The following CNBD1 variants were observed in gnomAD, a reference collection of about 807,000 sequenced individuals.
CNBD1 encodes cyclic nucleotide-binding domain-containing protein 1.
Under a neutral mutation model 54.4 loss-of-function variants are expected in CNBD1, and 71 were observed. The observed-to-expected ratio is 1.30, with a 90% CI of 1.08 to 1.59. The LOEUF (loss-of-function observed/expected upper bound fraction) is 1.59, where lower values mean the gene tolerates loss of function less well. Ranked by LOEUF, CNBD1 falls within the 40% of genes most tolerant of loss-of-function variation. The pLI, the probability that CNBD1 is intolerant of heterozygous loss-of-function variation, is 0.00. For missense variants in CNBD1, 659 were observed against 518.0 expected, an observed-to-expected ratio of 1.27 and a Z score of -2.64; for synonymous variants, 182 against 170.7, an observed-to-expected ratio of 1.07 and a Z score of -0.51.
chr8:87,064,676 C>G (rs909143825), intron 4 of CNBD1, among the ~76,000 whole-genome samples: 3 of 151,734 alleles, frequency 2.0e-5, no homozygotes, highest in African/African-American at 7.3e-5. Context: ...ACCCACCTTC[C>G]TAGTTTTTGT....
intron 5 of CNBD1, among the ~76,000 whole-genome samples, chr8:87,225,899 T>A (rs1466147134): frequency 6.7e-6 from 1 of 149,658 alleles, no homozygotes; most frequent in South Asian, 2.1e-4. Context: ...AAGCTATTGA[T>A]TATTGCCACA....
chr8:87,300,267 A>C (rs566115343), intron 8 of CNBD1, among the ~76,000 whole-genome samples: 1 of 152,316 alleles, frequency 6.6e-6, no homozygotes, highest in Non-Finnish European at 1.5e-5. Flanking sequence ...ATTTGTGTCC[A>C]TGTATGTAGC....
intron 10 of CNBD1, among the ~76,000 whole-genome samples, chr8:87,361,236 T>C (rs888120772): frequency 2.0e-5 from 3 of 151,978 alleles, no homozygotes; most frequent in African/African-American, 7.2e-5. Flanking sequence ...TATTCCTTAC[T>C]AATACATGTT....
At chr8:87,309,624 A>G (rs1297475096) in intron 8 of CNBD1, among the ~76,000 whole-genome samples, 3 of 152,140 alleles carry the variant, frequency 2.0e-5, no homozygotes, top group Non-Finnish European at 4.4e-5. Context: ...TCATATCTGT[A>G]TATCTGTAGC....
chr8:87,275,968 A>T (rs1471088759), intron 6 of CNBD1, among the ~76,000 whole-genome samples: 5 of 152,018 alleles, frequency 3.3e-5, no homozygotes, highest in South Asian at 4.1e-4. Flanking sequence ...TCCCATTCAC[A>T]ATTGCTTCAA....
At chr8:87,219,352 A>G (rs1814276400) in intron 5 of CNBD1, among the ~76,000 whole-genome samples, 2 of 152,062 alleles carry the variant, frequency 1.3e-5, no homozygotes. Flanking sequence ...ACAGACTCTC[A>G]TCAGCACATA....
chr8:87,014,909 G>T (rs543511200), intron 4 of CNBD1, among the ~76,000 whole-genome samples: 3 of 152,114 alleles, frequency 2.0e-5, no homozygotes, highest in South Asian at 2.1e-4. Flanking sequence ...ATCTTGTATG[G>T]TGAATTTTTG....
chr8:87,074,945 A>T (rs1810837402), intron 4 of CNBD1, among the ~76,000 whole-genome samples: 1 of 152,224 alleles, frequency 6.6e-6, no homozygotes, highest in Non-Finnish European at 1.5e-5. Flanking sequence ...AGTGGTTAGA[A>T]GCAGAGATCT....
At chr8:87,154,665 C>T (rs955790947) in intron 4 of CNBD1, among the ~76,000 whole-genome samples, 2 of 152,002 alleles carry the variant, frequency 1.3e-5, no homozygotes, top group African/African-American at 4.8e-5. Flanking sequence ...ACAATTTGAC[C>T]ACAGAATTTC....
At chr8:87,420,869 G>T (rs992688039) in intron 2 of CNBD1, among the ~76,000 whole-genome samples, 2 of 151,510 alleles carry the variant, frequency 1.3e-5, no homozygotes, top group African/African-American at 4.9e-5. Context: ...GAATTATAAG[G>T]CCATGTCTTA....
At chr8:87,234,613 T>TA (rs1563518133) in intron 5 of CNBD1, among the ~76,000 whole-genome samples, 1 of 152,190 alleles carries the variant, frequency 6.6e-6, no homozygotes, top group African/African-American at 2.4e-5. Flanking sequence ...TAGAATGCTA[T>TA]AAAAAGATAT....
intron 4 of CNBD1, among the ~76,000 whole-genome samples, chr8:87,187,352 G>A (rs1461524806): frequency 4.0e-5 from 6 of 151,890 alleles, no homozygotes; most frequent in African/African-American, 9.7e-5. Context: ...AATGATGGAA[G>A]AATAAGAGTT....
chr8:87,227,165 G>A (rs1235131304), intron 5 of CNBD1, among the ~76,000 whole-genome samples: 5 of 152,110 alleles, frequency 3.3e-5, no homozygotes, highest in African/African-American at 4.8e-5. Flanking sequence ...CCTGAATACA[G>A]CACAGTGATG....
chr8:87,241,569 G>A (rs750126359), intron 6 of CNBD1, among the ~76,000 whole-genome samples: 2 of 152,010 alleles, frequency 1.3e-5, no homozygotes, highest in African/African-American at 2.4e-5. Flanking sequence ...ACTGCACCCC[G>A]CCCATGGAAG....
chr8:87,167,994 A>G lies in CNBD1; in HGVS notation c.432-37999A>G, dbSNP rs76049974. 2.4e-3 allele frequency among the ~76,000 whole-genome samples: 363 copies of G among 152,148 alleles called. 6 individuals carry two copies. The highest frequency in any genetic ancestry group is 0.019 in the East Asian group (98 of 5,168). ...CAGTATGTTACTATAGGTTATTGTA[A>G]CACAATGGTAAGTATTTATGTATCT... On this transcript the variant is annotated intron_variant, in intron 4 of 10. Coordinates refer to ENST00000518476, the MANE Select transcript of CNBD1 (RefSeq NM_173538.3).
intron 8 of CNBD1, among the ~76,000 whole-genome samples, chr8:87,330,279 A>T (rs1586019662): frequency 1.7e-5 from 2 of 119,576 alleles, no homozygotes; most frequent in African/African-American, 6.6e-5. Flanking sequence ...CAGTTGTATT[A>T]ATCTTTTTGG....
chr8:86,934,211 T>C (rs993887096), intron 3 of CNBD1, among the ~76,000 whole-genome samples: 1 of 152,170 alleles, frequency 6.6e-6, no homozygotes, highest in African/African-American at 2.4e-5. Flanking sequence ...ATGGTACCTA[T>C]GATTATTTTT....
rs553967187 is a variant in CNBD1 at position 86,993,266 on chromosome 8, T to C, written c.431+53512T>C. 3.3e-5 allele frequency among the ~76,000 whole-genome samples: 5 copies of C among 152,168 alleles called. No individual in the cohort carries two copies. The South Asian group carries it at 1.0e-3, about 32-fold the overall frequency. Reference sequence around the variant, plus strand: ...CTATTTTTCTGTTAATACTGCTGAATACATTATGAACATTTTTATTGAATT... The same window carrying C: ...CTATTTTTCTGTTAATACTGCTGAACACATTATGAACATTTTTATTGAATT... On this transcript the variant is annotated intron_variant, in intron 4 of 10. Coordinates refer to ENST00000518476, the MANE Select transcript of CNBD1 (RefSeq NM_173538.3).
chr8:86,909,210 A>G (rs1656679689), intron 3 of CNBD1, among the ~76,000 whole-genome samples: 1 of 152,320 alleles, frequency 6.6e-6, no homozygotes, highest in Admixed American at 6.5e-5. Flanking sequence ...CCAGATTTAC[A>G]TCTATATCTT....
Sources: allele counts gnomAD v4.1 joint callset (sites outside exome capture counted in the v4.1 genomes callset), GRCh38; gene constraint gnomAD v4.1.1; transcripts MANE v1.5; gene names NCBI Gene and HGNC (gene_info 2026-07-23, HGNC 2026-07-21).